Variants in GABRB1 observed in about 807,000 individuals in gnomAD.
GABRB1 encodes gamma-aminobutyric acid receptor subunit beta-1.
In GABRB1, 17 loss-of-function variants were observed where a neutral mutation model predicts 51.6. The observed-to-expected ratio is 0.33, with a 90% CI of 0.23 to 0.49. GABRB1 has a LOEUF of 0.49. GABRB1 is among the 20% of genes least tolerant of loss of function. GABRB1 has a pLI of 0.99. For synonymous variants in GABRB1, 247 were observed against 218.9 expected (o/e 1.13, Z -1.14); for missense variants, 410 against 600.6 (o/e 0.68, Z 3.32).
intron 5 of GABRB1, among the ~76,000 whole-genome samples, chr4:47,395,482 G>A (rs572827202): frequency 2.6e-5 from 4 of 152,208 alleles, no homozygotes; most frequent in African/African-American, 9.6e-5. Context: ...CCTCCCACAC[G>A]TGGTGATTAC....
chr4:47,398,746 G>A (rs1728272547), intron 5 of GABRB1, among the ~76,000 whole-genome samples: 1 of 151,922 alleles, frequency 6.6e-6, no homozygotes, highest in African/African-American at 2.4e-5. Context: ...CACCACGCCC[G>A]GCTAAATTTT....
intron 7 of GABRB1, 22 bp downstream of exon 7, chr4:47,403,733 A>C: frequency 6.2e-7 from 1 of 1,605,700 alleles, no homozygotes; most frequent in Non-Finnish European, 8.5e-7. Flanking sequence ...TCAGCACTGC[A>C]GAGAGCTAAC....
chr4:47,319,795 A>G (rs1725010681), intron 4 of GABRB1, among the ~76,000 whole-genome samples: 1 of 152,200 alleles, frequency 6.6e-6, no homozygotes, highest in African/African-American at 2.4e-5. Context: ...GACCTCATCC[A>G]TGAAACCATC....
intron 8 of GABRB1, among the ~76,000 whole-genome samples, chr4:47,414,647 T>C (rs1025675035): frequency 6.6e-6 from 1 of 152,176 alleles, no homozygotes; most frequent in Non-Finnish European, 1.5e-5. Context: ...TCCCCAATAG[T>C]CAAGAAATAG....
chr4:47,311,948 T>C (rs979665326), intron 4 of GABRB1, among the ~76,000 whole-genome samples: 1 of 152,134 alleles, frequency 6.6e-6, no homozygotes, highest in Non-Finnish European at 1.5e-5. Flanking sequence ...CTTCAGTTTA[T>C]AGACTACTGT....
intron 3 of GABRB1, among the ~76,000 whole-genome samples, chr4:47,053,708 G>A (rs368907758): frequency 2.6e-5 from 4 of 152,166 alleles, no homozygotes; most frequent in African/African-American, 9.7e-5. Context: ...TTCAACTATG[G>A]CATATCTAGA....
chr4:47,209,942 C>T (rs557344861), intron 4 of GABRB1, among the ~76,000 whole-genome samples: 9 of 152,118 alleles, frequency 5.9e-5, no homozygotes, highest in African/African-American at 2.2e-4. Context: ...AATCACTCTC[C>T]AAAAGTTTTA....
intron 3 of GABRB1, among the ~76,000 whole-genome samples, chr4:47,079,966 T>G (rs1727755300): frequency 6.6e-6 from 1 of 152,018 alleles, no homozygotes; most frequent in African/African-American, 2.4e-5. Flanking sequence ...ACCTGCACGT[T>G]GTGCACATGT....
At chr4:47,080,301 A>AG (rs987320383) in intron 3 of GABRB1, among the ~76,000 whole-genome samples, 2 of 151,736 alleles carry the variant, frequency 1.3e-5, no homozygotes, top group African/African-American at 4.8e-5. Context: ...GAATGAAGAA[A>AG]AAAAAAAAAA....
chr4:47,336,793 T>C (rs1725717586), intron 5 of GABRB1, among the ~76,000 whole-genome samples: 1 of 152,082 alleles, frequency 6.6e-6, no homozygotes, highest in African/African-American at 2.4e-5. Context: ...AGGAGATAAT[T>C]ACAGTTATGA....
chr4:47,391,687 G>C (rs1727999424), intron 5 of GABRB1, among the ~76,000 whole-genome samples: 1 of 152,190 alleles, frequency 6.6e-6, no homozygotes, highest in African/African-American at 2.4e-5. Context: ...TCCTTCATCA[G>C]GGAGTAAATT....
intron 5 of GABRB1, among the ~76,000 whole-genome samples, chr4:47,352,417 G>T (rs1222590475): frequency 2.6e-5 from 4 of 152,286 alleles, no homozygotes; most frequent in East Asian, 1.9e-4. Context: ...CTCATTTTAT[G>T]AGGCCAGCAT....
intron 1 of GABRB1, among the ~76,000 whole-genome samples, chr4:46,998,163 T>C (rs1193994723): frequency 6.6e-6 from 1 of 152,202 alleles, no homozygotes; most frequent in African/African-American, 2.4e-5. Flanking sequence ...TAATGCAGAT[T>C]TAGATATTTC....
chr4:47,188,145 A>G (rs1430931422), intron 4 of GABRB1, among the ~76,000 whole-genome samples: 2 of 152,012 alleles, frequency 1.3e-5, no homozygotes, highest in African/African-American at 4.8e-5. Flanking sequence ...TGATTGCCAC[A>G]CAGTGGGTTT....
chr4:47,114,140 T>C (rs1715361793), intron 3 of GABRB1, among the ~76,000 whole-genome samples: 1 of 152,274 alleles, frequency 6.6e-6, no homozygotes, highest in Non-Finnish European at 1.5e-5. Flanking sequence ...TTCCCGACCA[T>C]CTACTTTTTC....
chr4:47,162,269 T>C (rs536263895), intron 4 of GABRB1, among the ~76,000 whole-genome samples: 63 of 152,198 alleles, frequency 4.1e-4, no homozygotes, highest in Non-Finnish European at 7.4e-4. Flanking sequence ...TCAATTGTAA[T>C]TTTTCTGTTA....
chr4:47,208,321 C>T (rs1334663086), intron 4 of GABRB1, among the ~76,000 whole-genome samples: 3 of 151,904 alleles, frequency 2.0e-5, no homozygotes, highest in East Asian at 1.9e-4. Context: ...TTTGAGGTTA[C>T]CAGAGGCTGA....
In GABRB1 at chr4:47,106,431, G is replaced by GA. The variant is rs200030852; in HGVS notation, c.241-54810dup. 5.7e-4 allele frequency among the ~76,000 whole-genome samples: 87 copies of GA among 151,676 alleles called. 1 individual carries two copies. In the East Asian group the frequency reaches 0.014, roughly 24 times the overall value. ...ATTGGAAATTCAAATCTATGTTATA[G>GA]AAAAAAAATCTATATTAAGTTTACT... On this transcript the variant is annotated intron_variant, in intron 3 of 8. Transcript: ENST00000295454.
intron 3 of GABRB1, among the ~76,000 whole-genome samples, chr4:47,149,663 T>C: frequency 6.6e-6 from 1 of 152,070 alleles, no homozygotes; most frequent in Non-Finnish European, 1.5e-5. Flanking sequence ...ATATCCTTAA[T>C]TCATTTAGAT....
Sources: allele counts gnomAD v4.1 joint callset (sites outside exome capture counted in the v4.1 genomes callset), GRCh38; gene constraint gnomAD v4.1.1; transcripts MANE v1.5; gene names NCBI Gene and HGNC (gene_info 2026-07-23, HGNC 2026-07-21).